NTM: variants seen among roughly 807,000 people sequenced by gnomAD.
NTM encodes IgLON family member 2.
NTM carries 13 observed loss-of-function variants against 42.1 expected under a neutral mutation model. The ratio of observed to expected loss-of-function variants is 0.31; its 90% CI spans 0.20 to 0.49. The LOEUF is 0.49. Ranked by LOEUF, NTM falls within the 20% of genes least tolerant of loss-of-function variation. The pLI is 0.99. For missense variants in NTM, 373 were observed against 452.8 expected (o/e 0.82, Z 1.60); for synonymous variants, 187 against 179.2 (o/e 1.04, Z -0.35).
intron 1 of NTM, among the ~76,000 whole-genome samples, chr11:131,580,409 C>T (rs1169672422): frequency 1.2e-4 from 19 of 152,142 alleles, no homozygotes; most frequent in Admixed American, 1.2e-3. Flanking sequence ...GGCCCTCTCC[C>T]ACCACCTGCC....
intron 1 of NTM, among the ~76,000 whole-genome samples, chr11:131,739,239 GA>G (rs1256825529): frequency 1.5e-4 from 23 of 151,480 alleles, no homozygotes; most frequent in Non-Finnish European, 3.2e-4. Context: ...CTGCTTTCAA[GA>G]TATCAAAACA....
chr11:131,753,539 A>C (rs11222773), intron 1 of NTM, among the ~76,000 whole-genome samples: 13,242 of 151,198 alleles, frequency 0.088, 666 homozygotes, highest in East Asian at 0.18. Flanking sequence ...TGGCACATAT[A>C]CACCATGGAA....
intron 2 of NTM, among the ~76,000 whole-genome samples, chr11:132,006,314 T>G (rs1331421113): frequency 6.6e-6 from 1 of 152,184 alleles, no homozygotes; most frequent in Non-Finnish European, 1.5e-5. Context: ...CAGTTTTATT[T>G]GTTTGTGGTT....
intron 1 of NTM, among the ~76,000 whole-genome samples, chr11:131,587,880 T>A (rs1004869438): frequency 1.3e-5 from 2 of 151,878 alleles, no homozygotes; most frequent in Non-Finnish European, 2.9e-5. Context: ...GAATACAAAG[T>A]GAGAGAGAGA....
intron 2 of NTM, among the ~76,000 whole-genome samples, chr11:132,010,961 C>T (rs551018981): frequency 3.3e-5 from 5 of 151,748 alleles, no homozygotes; most frequent in Non-Finnish European, 5.9e-5. Flanking sequence ...CACCCTTCAT[C>T]TTACTCCCAT....
chr11:131,676,465 G>C (rs2071412221), intron 1 of NTM, among the ~76,000 whole-genome samples: 1 of 152,180 alleles, frequency 6.6e-6, no homozygotes, highest in Admixed American at 6.5e-5. Flanking sequence ...CTGTGCCTGT[G>C]TACATGCGTG....
intron 1 of NTM, among the ~76,000 whole-genome samples, chr11:131,497,562 C>T (rs965504269): frequency 1.3e-5 from 2 of 152,170 alleles, no homozygotes; most frequent in African/African-American, 4.8e-5. Flanking sequence ...AGTACAACCA[C>T]ATTAAAAAGT....
intron 1 of NTM, among the ~76,000 whole-genome samples, chr11:131,780,887 G>T (rs1180879140): frequency 1.3e-5 from 2 of 152,040 alleles, no homozygotes; most frequent in South Asian, 2.1e-4. Context: ...TACAAAGAAA[G>T]AACTAATAAC....
chr11:131,465,230 C>T (rs985559927), intron 1 of NTM, among the ~76,000 whole-genome samples: 5 of 152,162 alleles, frequency 3.3e-5, no homozygotes, highest in South Asian at 2.1e-4. Context: ...GGTGGAGCTG[C>T]TTAGGGATAA....
intron 3 of NTM, among the ~76,000 whole-genome samples, chr11:132,211,488 G>T (rs1029311046): frequency 4.6e-5 from 7 of 152,188 alleles, no homozygotes; most frequent in African/African-American, 1.7e-4. Flanking sequence ...GCCCAGACAG[G>T]GCATGATGGA....
chr11:132,189,655 C>G (rs1186085196), intron 3 of NTM, among the ~76,000 whole-genome samples: 1 of 151,924 alleles, frequency 6.6e-6, no homozygotes, highest in Non-Finnish European at 1.5e-5. Context: ...CACACACACA[C>G]ACACACACAC....
chr11:131,647,918 C>A (rs116659409), intron 1 of NTM, among the ~76,000 whole-genome samples: 2,713 of 152,226 alleles, frequency 0.018, 70 homozygotes, highest in African/African-American at 0.062. Flanking sequence ...AAACTCGTGT[C>A]ATGGGGGTTT....
At chr11:131,623,968 G>A (rs2062840706) in intron 1 of NTM, among the ~76,000 whole-genome samples, 1 of 152,142 alleles carries the variant, frequency 6.6e-6, no homozygotes, top group South Asian at 2.1e-4. Flanking sequence ...ACCCACAAAG[G>A]CAGTTGCTCT....
intron 2 of NTM, among the ~76,000 whole-genome samples, chr11:131,954,903 T>C (rs1181227607): frequency 2.0e-5 from 3 of 152,248 alleles, no homozygotes; most frequent in Non-Finnish European, 4.4e-5. Context: ...TTATATTTTA[T>C]TGCTACACAA....
chr11:131,515,152 C>T (rs970680157), intron 1 of NTM, among the ~76,000 whole-genome samples: 1 of 152,146 alleles, frequency 6.6e-6, no homozygotes, highest in Non-Finnish European at 1.5e-5. Context: ...TGGGTTCAAG[C>T]AGTCCTCCCA....
intron 1 of NTM, among the ~76,000 whole-genome samples, chr11:131,565,546 C>T (rs1039976535): frequency 6.6e-6 from 1 of 152,212 alleles, no homozygotes; most frequent in Non-Finnish European, 1.5e-5. Flanking sequence ...TGGCTCCTTC[C>T]CCTTCCAGCC....
In NTM at chr11:131,487,443, G is replaced by T. The variant is rs1326723355; in HGVS notation, c.82+116555G>T. ...CAGATAAGCTAATTGATTGGTTAAA[G>T]GTTACCAAGCTAGTAAATTATAAAC... is the stretch of plus-strand genomic sequence containing the variant. On this transcript the variant is annotated intron_variant, in intron 1 of 8. Transcript: ENST00000683400. Among the ~76,000 whole-genome samples the T allele has an allele frequency of 2.6e-5, 4 of 152,304 alleles. No individual in the cohort carries two copies. The South Asian group carries it at 8.3e-4, about 32-fold the overall frequency.
chr11:131,726,667 A>G (rs987359607), intron 1 of NTM, among the ~76,000 whole-genome samples: 2 of 151,146 alleles, frequency 1.3e-5, no homozygotes, highest in African/African-American at 4.9e-5. Flanking sequence ...CTGCCTTGTA[A>G]ATAGGCTCAT....
rs566635562 is a variant in NTM at position 131,765,277 on chromosome 11, T to C, written c.83-146287T>C. On this transcript the variant is annotated intron_variant, in intron 1 of 8. Transcript: ENST00000683400. ...CAATGGCTTTCCGTTGCTCTGAAAG[T>C]AAAACCAACCTCCTAAATCTAAATA... is the stretch of plus-strand genomic sequence containing the variant. Among the ~76,000 whole-genome samples the C allele has an allele frequency of 1.2e-4, 19 of 152,240 alleles. No individual in the cohort carries two copies. In the South Asian group the frequency reaches 3.9e-3, roughly 32 times the overall value.
Sources: allele counts gnomAD v4.1 joint callset (sites outside exome capture counted in the v4.1 genomes callset), GRCh38; gene constraint gnomAD v4.1.1; transcripts MANE v1.5; gene names NCBI Gene and HGNC (gene_info 2026-07-23, HGNC 2026-07-21).